Variants in KTN1 observed in about 807,000 individuals in gnomAD.
KTN1 encodes kinectin.
KTN1 carries 130 observed loss-of-function variants against 222.5 expected under a neutral mutation model. That is an observed-to-expected ratio of 0.58 (90% confidence interval 0.51 to 0.68). KTN1 has a LOEUF of 0.68. Among genes scored for constraint, KTN1 ranks in the 30% least tolerant of loss-of-function variants. KTN1 has a pLI of 0.00. For synonymous variants in KTN1, 512 were observed against 496.3 expected (o/e 1.03, Z -0.42); for missense variants, 1,508 against 1,500.4 (o/e 1.01, Z -0.08).
intron 1 of KTN1, among the ~76,000 whole-genome samples, chr14:55,582,042 T>C (rs2031792157): frequency 6.6e-6 from 1 of 152,164 alleles, no homozygotes; most frequent in Non-Finnish European, 1.5e-5. Context: ...CAATACCTTA[T>C]CAAGTGAGCT....
In KTN1 at chr14:55,679,590, C is replaced by T. The variant is rs771519320; in HGVS notation, c.3974C>T (p.Ser1325Phe). 2 of 1,611,010 alleles carry T rather than the reference C, an allele frequency of 1.2e-6. No homozygotes were observed. The highest frequency in any genetic ancestry group is 2.2e-5 in the South Asian group (2 of 90,916). Reference protein sequence around the residue: ...ETESSEKETMSVSLNQTVTQL... With the variant: ...ETESSEKETMFVSLNQTVTQL... ...GAGTCTTCTGAGAAGGAGACAATGT[C>T]TGTAAGTCTAAATCAGACTGTAACA... Residue 1325 changes from serine to phenylalanine, a missense_variant, in exon 43 of 44, where the codon TCT becomes TTT. By Grantham distance (155) the Ser-to-Phe change is radical (BLOSUM62 -2). Transcript: ENST00000395314.
At chr14:55,681,859 G>T (rs772351283) in intron 43 of KTN1, 1 of 151,894 alleles carries the variant, frequency 6.6e-6, no homozygotes, top group Admixed American at 6.6e-5. Flanking sequence ...CTTTATACCC[G>T]TTAAATGTTT....
intron 28 of KTN1, among the ~76,000 whole-genome samples, chr14:55,654,988 CT>C (rs1018717300): frequency 6.6e-6 from 1 of 150,962 alleles, no homozygotes. Context: ...CTTTTCTTTT[CT>C]TTTTTTTTGG....
intron 1 of KTN1, among the ~76,000 whole-genome samples, chr14:55,597,550 A>C (rs761431839): frequency 1.2e-4 from 19 of 152,188 alleles, no homozygotes; most frequent in African/African-American, 4.1e-4. Flanking sequence ...TGGAATATGA[A>C]CATTAAAATT....
intron 32 of KTN1, among the ~76,000 whole-genome samples, chr14:55,662,112 C>T (rs1264712663): frequency 2.7e-5 from 4 of 150,318 alleles, no homozygotes; most frequent in Non-Finnish European, 5.9e-5. Flanking sequence ...GCTCTGTTGC[C>T]CAGGCTGGAG....
chr14:55,581,149 A>G (rs2031469636), intron 1 of KTN1, among the ~76,000 whole-genome samples: 1 of 152,204 alleles, frequency 6.6e-6, no homozygotes, highest in Admixed American at 6.5e-5. Context: ...AGTCTAGAGA[A>G]GTCGTCTGGC....
chr14:55,640,066 G>T, intron 14 of KTN1, 63 bp downstream of exon 14: 1 of 951,298 alleles, frequency 1.1e-6, no homozygotes, highest in Non-Finnish European at 1.7e-6. Flanking sequence ...TTACTTTGAT[G>T]CACATAATCA....
chr14:55,679,734 T>A, intron 43 of KTN1, 49 bp downstream of exon 43: 1 of 1,570,110 alleles, frequency 6.4e-7, no homozygotes, highest in Non-Finnish European at 8.8e-7. Context: ...ATGTTATGTG[T>A]CTGTGTAATG....
chr14:55,677,473 TAAA>T (rs72424779), intron 41 of KTN1, among the ~76,000 whole-genome samples: 1 of 98,338 alleles, frequency 1.0e-5, no homozygotes. Context: ...AAAGACTGTC[TAAA>T]AAAAAAAAAA....
chr14:55,660,321 C>T (rs1311340581), intron 31 of KTN1, among the ~76,000 whole-genome samples: 2 of 150,802 alleles, frequency 1.3e-5, no homozygotes, highest in East Asian at 3.9e-4. Flanking sequence ...CGCACCATTG[C>T]ACTCCAGCCT....
At chr14:55,596,855 A>C (rs1242523868) in intron 1 of KTN1, among the ~76,000 whole-genome samples, 1 of 151,806 alleles carries the variant, frequency 6.6e-6, no homozygotes, top group East Asian at 1.9e-4. Flanking sequence ...AACTTTGTTA[A>C]TATATCAAAG....
intron 28 of KTN1, 150 bp downstream of exon 28, chr14:55,653,746 C>T: frequency 1.8e-6 from 1 of 552,564 alleles, no homozygotes; most frequent in East Asian, 3.1e-5. Flanking sequence ...GGCTAAGTCT[C>T]TGTTGGGTAA....
chr14:55,659,872 G>A (rs1358581982), intron 31 of KTN1, among the ~76,000 whole-genome samples, 169 bp downstream of exon 31: 2 of 152,124 alleles, frequency 1.3e-5, no homozygotes, highest in Non-Finnish European at 2.9e-5. Flanking sequence ...TGGCTAAGAT[G>A]CTTTTTTTAT....
intron 28 of KTN1, among the ~76,000 whole-genome samples, chr14:55,654,435 T>A (rs986336034): frequency 1.3e-5 from 2 of 152,196 alleles, no homozygotes; most frequent in African/African-American, 4.8e-5. Flanking sequence ...GAGGTGCTTA[T>A]CTCTTATTTG....
At chr14:55,638,268 A>G (rs146390039) in intron 12 of KTN1, among the ~76,000 whole-genome samples, 95 of 152,016 alleles carry the variant, frequency 6.2e-4, no homozygotes, top group African/African-American at 2.1e-3. Flanking sequence ...AAAATGATCA[A>G]TTGAAAATTT....
chr14:55,629,793 CTG>C (rs1383469280), intron 6 of KTN1, among the ~76,000 whole-genome samples, 162 bp from the exon 7 acceptor site: 1 of 152,196 alleles, frequency 6.6e-6, no homozygotes, highest in Admixed American at 6.5e-5. Context: ...ATGCAGAAGA[CTG>C]TTTTTAAAAT....
chr14:55,619,094 G>A (rs7148503), intron 4 of KTN1, 88 bp from the exon 5 acceptor site: 1,041,122 of 1,043,076 alleles, frequency 1, 519,611 homozygotes, highest in Middle Eastern at 1. Context: ...TTTCTGGGCC[G>A]TGAATTCTTC....
chr14:55,644,688 A>C (rs1398965615), intron 18 of KTN1, among the ~76,000 whole-genome samples: 1 of 151,988 alleles, frequency 6.6e-6, no homozygotes, highest in Admixed American at 6.6e-5. Context: ...AACTATAAGA[A>C]GTTTCTTCTT....
At chr14:55,626,161 A>G (rs1200529166) in intron 5 of KTN1, among the ~76,000 whole-genome samples, 2 of 152,052 alleles carry the variant, frequency 1.3e-5, no homozygotes, top group African/African-American at 2.4e-5. Context: ...AGTTAAATAC[A>G]TATGGGCTCT....
Sources: gnomAD v4.1 joint callset for allele counts (sites outside exome capture counted in the v4.1 genomes callset) on GRCh38, gnomAD v4.1.1 for gene constraint, MANE v1.5 for transcripts, NCBI Gene and HGNC (gene_info 2026-07-23, HGNC 2026-07-21) for gene names.